Variants in CDK14 observed in about 807,000 individuals in gnomAD.
The protein encoded by CDK14 is cyclin-dependent kinase 14.
A neutral mutation model predicts 60.7 loss-of-function variants in CDK14; 34 were observed. The ratio of observed to expected loss-of-function variants is 0.56; its 90% confidence interval spans 0.43 to 0.75. The LOEUF is 0.75. Ranked by LOEUF, CDK14 falls within the 30% of genes least tolerant of loss-of-function variation. CDK14 has a pLI of 0.00. For synonymous variants in CDK14, 197 were observed against 203.7 expected (o/e 0.97, Z 0.28); for missense variants, 482 against 564.1 (o/e 0.85, Z 1.47).
chr7:90,727,916 T>A (rs1409676664), intron 3 of CDK14, among the ~76,000 whole-genome samples: 1 of 152,154 alleles, frequency 6.6e-6, no homozygotes, highest in Admixed American at 6.6e-5. Flanking sequence ...TTCTTGTTCT[T>A]GGTTTATTTC....
At chr7:90,893,216 A>G (rs980594851) in intron 6 of CDK14, among the ~76,000 whole-genome samples, 2 of 152,158 alleles carry the variant, frequency 1.3e-5, no homozygotes, top group Non-Finnish European at 2.9e-5. Context: ...ACACAAGTAT[A>G]TCTGGTAGCA....
intron 2 of CDK14, among the ~76,000 whole-genome samples, chr7:90,688,261 G>A (rs1801481007): frequency 6.6e-6 from 1 of 152,108 alleles, no homozygotes; most frequent in Non-Finnish European, 1.5e-5. Context: ...TTTGATGCCT[G>A]AGATCAGTCA....
intron 7 of CDK14, among the ~76,000 whole-genome samples, chr7:90,916,905 G>A (rs113694753): frequency 1.3e-5 from 2 of 152,126 alleles, no homozygotes; most frequent in East Asian, 1.9e-4. Context: ...TCTTCCAAAA[G>A]TATTACTCTC....
chr7:91,067,722 A>T (rs945744879), intron 11 of CDK14, among the ~76,000 whole-genome samples: 7 of 152,152 alleles, frequency 4.6e-5, no homozygotes, highest in Admixed American at 1.3e-4. Flanking sequence ...TTTCACTATC[A>T]ATTTAGTCTC....
intron 2 of CDK14, among the ~76,000 whole-genome samples, chr7:90,621,534 A>G (rs1799764660): frequency 6.6e-6 from 1 of 152,234 alleles, no homozygotes; most frequent in Admixed American, 6.5e-5. Flanking sequence ...TAGGTGCTGA[A>G]TAAAAGTTGC....
intron 2 of CDK14, among the ~76,000 whole-genome samples, chr7:90,695,239 C>T (rs1239986614): frequency 1.3e-5 from 2 of 152,044 alleles, no homozygotes; most frequent in Non-Finnish European, 2.9e-5. Flanking sequence ...TATTTTCTAC[C>T]TCATTTATTT....
At chr7:91,174,588 T>C (rs925191108) in intron 14 of CDK14, among the ~76,000 whole-genome samples, 4 of 141,646 alleles carry the variant, frequency 2.8e-5, no homozygotes, top group African/African-American at 1.0e-4. Context: ...ATAACTAGAA[T>C]AACCAATAGA....
intron 6 of CDK14, among the ~76,000 whole-genome samples, chr7:90,879,280 G>A (rs1791663113): frequency 6.6e-6 from 1 of 152,148 alleles, no homozygotes; most frequent in African/African-American, 2.4e-5. Context: ...TACAACATAT[G>A]CTGTTTTTTT....
chr7:90,660,486 G>A (rs150008181), intron 2 of CDK14, among the ~76,000 whole-genome samples: 2,621 of 152,160 alleles, frequency 0.017, 26 homozygotes, highest in Middle Eastern at 0.041. Flanking sequence ...CTCTATACTC[G>A]GTACCTGATA....
chr7:91,183,695 T>C (rs1802076247), intron 14 of CDK14, among the ~76,000 whole-genome samples: 1 of 152,218 alleles, frequency 6.6e-6, no homozygotes, highest in African/African-American at 2.4e-5. Context: ...GACACCTTAG[T>C]TCTTTCCACC....
chr7:90,965,752 A>G (rs1584177510), intron 9 of CDK14, among the ~76,000 whole-genome samples: 1 of 152,288 alleles, frequency 6.6e-6, no homozygotes, highest in Admixed American at 6.5e-5. Context: ...CTCACAAATG[A>G]TTGATGTTTG....
intron 8 of CDK14, among the ~76,000 whole-genome samples, chr7:90,943,050 A>C (rs1793983284): frequency 6.6e-6 from 1 of 152,164 alleles, no homozygotes; most frequent in Non-Finnish European, 1.5e-5. Flanking sequence ...GTTGAGAGGC[A>C]GCTAAAGTGT....
At chr7:91,194,153 G>A (rs1448391873) in intron 14 of CDK14, among the ~76,000 whole-genome samples, 1 of 152,098 alleles carries the variant, frequency 6.6e-6, no homozygotes, top group African/African-American at 2.4e-5. Flanking sequence ...CTTTTAATAA[G>A]GAAGTACTGA....
intron 2 of CDK14, among the ~76,000 whole-genome samples, chr7:90,702,994 T>G (rs1428321271): frequency 1.3e-5 from 2 of 150,070 alleles, no homozygotes; most frequent in African/African-American, 4.9e-5. Flanking sequence ...CTAGAAAATA[T>G]GTTTTCTGTT....
chr7:91,200,687 C>A (rs550378646), intron 14 of CDK14, among the ~76,000 whole-genome samples: 2 of 152,334 alleles, frequency 1.3e-5, no homozygotes, highest in Middle Eastern at 6.8e-3. Flanking sequence ...GATATCTACT[C>A]CAGTGGTCAC....
intron 2 of CDK14, among the ~76,000 whole-genome samples, chr7:90,672,502 G>GTTTTTTTTT (rs201978996): frequency 1.2e-4 from 6 of 49,994 alleles, no homozygotes; most frequent in African/African-American, 1.6e-4. Context: ...TTCTTCTTCT[G>GTTTTTTTTT]TTTTTTTTTT....
At chr7:90,839,853 G>A (rs1270055547) in intron 5 of CDK14, among the ~76,000 whole-genome samples, 1 of 151,998 alleles carries the variant, frequency 6.6e-6, no homozygotes, top group Non-Finnish European at 1.5e-5. Flanking sequence ...TTTTGAAATT[G>A]TTTCTTGTAT....
At chr7:90,865,242 G>A (rs765321067) in intron 6 of CDK14, among the ~76,000 whole-genome samples, 3 of 152,058 alleles carry the variant, frequency 2.0e-5, no homozygotes, top group East Asian at 3.8e-4. Context: ...GAAAAGAACC[G>A]CTTCAGTTTG....
intron 2 of CDK14, among the ~76,000 whole-genome samples, chr7:90,648,603 C>G (rs1800520935): frequency 6.6e-6 from 1 of 152,078 alleles, no homozygotes; most frequent in Admixed American, 6.5e-5. Context: ...AAAACATACT[C>G]ACTTCTCTCA....
Sources: gnomAD v4.1 joint callset for allele counts (sites outside exome capture counted in the v4.1 genomes callset) on GRCh38, gnomAD v4.1.1 for gene constraint, MANE v1.5 for transcripts, NCBI Gene and HGNC (gene_info 2026-07-23, HGNC 2026-07-21) for gene names.